PPIH: variants seen among roughly 807,000 people sequenced by gnomAD.
The protein encoded by PPIH is peptidylprolyl isomerase H.
A neutral mutation model predicts 27.6 loss-of-function variants in PPIH; 16 were observed. That is an observed-to-expected ratio of 0.58 (90% CI 0.39 to 0.88). The LOEUF (loss-of-function observed/expected upper bound fraction) is 0.88, where lower values mean the gene tolerates loss of function less well. PPIH is among the 40% of genes least tolerant of loss of function. PPIH has a pLI of 0.00. For missense variants in PPIH, 155 were observed against 224.1 expected (o/e 0.69, Z 1.97); for synonymous variants, 63 against 76.1 (o/e 0.83, Z 0.90).
Position 42,676,665 on chromosome 1 carries a change from C to T in PPIH, c.*103C>T, listed in dbSNP as rs1158050781. 6.6e-6 allele frequency: 1 copy of T among 151,792 alleles called. No individual in the cohort carries two copies. Among genetic ancestry groups the T allele is most frequent in the Non-Finnish European group, 1.5e-5 (1 of 68,004 alleles). 9.4% of individuals were successfully genotyped at this position (151,792 alleles called of 1,614,324 possible). On this transcript the variant is annotated 3_prime_UTR_variant, in exon 10 of 10. Transcript: ENST00000304979. ...CTTTGCTTCCCTGCCTGCTGCTGCCCCATTTGATCAAGAGACCATGGAAGT... is the reference window on the plus strand; with the variant it reads ...CTTTGCTTCCCTGCCTGCTGCTGCCTCATTTGATCAAGAGACCATGGAAGT...
downstream of PPIH, among the ~76,000 whole-genome samples, chr1:42,679,320 G>A (rs1039757372): frequency 1.1e-4 from 16 of 152,234 alleles, no homozygotes; most frequent in Non-Finnish European, 1.6e-4. Flanking sequence ...CTCCCGAGTA[G>A]CTGGGATTAC....
At chr1:42,665,102 T>C in intron 6 of PPIH, 147 bp downstream of exon 6, 1 of 697,672 alleles carries the variant, frequency 1.4e-6, no homozygotes, top group Non-Finnish European at 2.4e-6. Flanking sequence ...CCTTTCTTAG[T>C]CTGGTTTGAC....
chr1:42,669,152 G>A lies in PPIH; in HGVS notation c.*21+1712G>A, dbSNP rs111536956. 5.2e-3 allele frequency among the ~76,000 whole-genome samples: 776 copies of A among 148,302 alleles called. 7 individuals are homozygous for A. Among genetic ancestry groups the A allele is most frequent in the African/African-American group, 0.019 (744 of 39,998 alleles). The stretch of plus-strand genomic sequence containing the variant: ...TTGAGCCCAGGAGTTTGAGGCTGCA[G>A]TGAGCTATAATCACACCACTGTACT... On this transcript the variant is annotated intron_variant, in intron 9 of 9. Coordinates refer to ENST00000304979, the MANE Select transcript of PPIH (RefSeq NM_006347.4).
chr1:42,665,959 G>A, intron 6 of PPIH, 21 bp from the exon 7 acceptor site: 1 of 1,604,016 alleles, frequency 6.2e-7, no homozygotes, highest in Non-Finnish European at 8.5e-7. Flanking sequence ...ACTTACTGCA[G>A]GTATATTTGG....
chr1:42,659,142 T>A (rs1648851163), intron 2 of PPIH, 86 bp from the exon 3 acceptor site: 1 of 1,581,142 alleles, frequency 6.3e-7, no homozygotes, highest in East Asian at 2.2e-5. Flanking sequence ...ACTTGCTGGC[T>A]CCAGTGTTTA....
downstream of PPIH, among the ~76,000 whole-genome samples, chr1:42,677,698 T>C (rs545133694): frequency 7.9e-5 from 12 of 152,238 alleles, no homozygotes; most frequent in South Asian, 2.5e-3. Flanking sequence ...TGGTGGCACA[T>C]ACCTGTAGTC....
At chr1:42,663,171 T>G (rs1649137873) in intron 5 of PPIH, among the ~76,000 whole-genome samples, 1 of 152,280 alleles carries the variant, frequency 6.6e-6, no homozygotes, top group African/African-American at 2.4e-5. Flanking sequence ...CTCTTCCTTC[T>G]GTATTAATAT....
intron 9 of PPIH, among the ~76,000 whole-genome samples, chr1:42,669,299 A>G (rs1242167827): frequency 1.3e-5 from 2 of 152,160 alleles, no homozygotes; most frequent in African/African-American, 4.8e-5. Context: ...TTTGAGCACT[A>G]ACATGACATT....
downstream of PPIH, chr1:42,678,699 G>C (rs1018200213): frequency 2.6e-5 from 4 of 152,168 alleles, no homozygotes; most frequent in Admixed American, 6.5e-5. Context: ...ACGCCTCGCC[G>C]ATCTTTTTGC....
downstream of PPIH, chr1:42,678,802 T>C (rs1032605810): frequency 1.3e-5 from 2 of 152,146 alleles, no homozygotes; most frequent in Non-Finnish European, 2.9e-5. Flanking sequence ...GTTGCATGAA[T>C]GATAGTGGTA....
At chr1:42,676,535 G>A (rs1336198194) in intron 9 of PPIH, 49 bp from the exon 10 acceptor site, 1 of 151,482 alleles carries the variant, frequency 6.6e-6, no homozygotes, top group African/African-American at 2.4e-5. Flanking sequence ...TTCCTCTGAG[G>A]TGCTTACCTC....
intron 1 of PPIH, 42 bp from the exon 2 acceptor site, chr1:42,658,802 G>A: frequency 6.2e-7 from 1 of 1,607,184 alleles, no homozygotes; most frequent in Non-Finnish European, 8.5e-7. Flanking sequence ...AAGCCCTCAT[G>A]GTCTTGGACT....
At chr1:42,659,453 G>A in intron 3 of PPIH, 69 bp from the exon 4 acceptor site, 1 of 1,614,132 alleles carries the variant, frequency 6.2e-7, no homozygotes, top group Non-Finnish European at 8.5e-7. Context: ...TTTGGCTCCA[G>A]TGCATGGTAA....
downstream of PPIH, among the ~76,000 whole-genome samples, chr1:42,679,733 C>T (rs1649975925): frequency 6.6e-6 from 1 of 152,182 alleles, no homozygotes; most frequent in Non-Finnish European, 1.5e-5. Context: ...GCTCTCAAGC[C>T]TATAGGGCAT....
At chr1:42,669,789 T>A (rs1002521129) in intron 9 of PPIH, among the ~76,000 whole-genome samples, 3 of 152,212 alleles carry the variant, frequency 2.0e-5, no homozygotes, top group African/African-American at 7.2e-5. Context: ...CAGATCACAA[T>A]GTTTTCTGTG....
chr1:42,665,083 T>C, intron 6 of PPIH, 128 bp downstream of exon 6: 1 of 743,504 alleles, frequency 1.3e-6, no homozygotes, highest in Non-Finnish European at 2.2e-6. Context: ...GGACTCACCT[T>C]TACCACCTCC....
chr1:42,665,396 A>C (rs1042185119), intron 6 of PPIH, among the ~76,000 whole-genome samples: 1 of 152,076 alleles, frequency 6.6e-6, no homozygotes, highest in African/African-American at 2.4e-5. Context: ...CAAGAGCGAA[A>C]CTCCATCTTA....
At chr1:42,671,581 G>A (rs1485004560) in intron 9 of PPIH, among the ~76,000 whole-genome samples, 1 of 152,150 alleles carries the variant, frequency 6.6e-6, no homozygotes, top group Non-Finnish European at 1.5e-5. Context: ...ATACTTAAGG[G>A]CACTATAATT....
chr1:42,660,159 T>G (rs1014083166), intron 4 of PPIH, among the ~76,000 whole-genome samples: 2 of 152,180 alleles, frequency 1.3e-5, no homozygotes, highest in Non-Finnish European at 2.9e-5. Context: ...CTAGGGGTAA[T>G]AGCTAACAGT....
Sources: gnomAD v4.1 joint callset for allele counts (sites outside exome capture counted in the v4.1 genomes callset) on GRCh38, gnomAD v4.1.1 for gene constraint, MANE v1.5 for transcripts, NCBI Gene and HGNC (gene_info 2026-07-23, HGNC 2026-07-21) for gene names.